PLXNA2: variants seen among roughly 807,000 people sequenced by gnomAD.
The protein encoded by PLXNA2 is plexin-A2.
In PLXNA2, 91 loss-of-function variants were observed where a neutral mutation model predicts 193.5. The ratio of observed to expected loss-of-function variants is 0.47; its 90% CI spans 0.40 to 0.56. PLXNA2 has a LOEUF of 0.56. Ranked by LOEUF, PLXNA2 falls within the 20% of genes least tolerant of loss-of-function variation. PLXNA2 has a pLI of 0.00. For missense variants in PLXNA2, 1,995 were observed against 2,503.2 expected, an observed-to-expected ratio of 0.80 and a Z score of 4.33; for synonymous variants, 997 against 1,027.3, an observed-to-expected ratio of 0.97 and a Z score of 0.56.
At chr1:208,045,359 C>T (rs533026800) in intron 18 of PLXNA2, 149 bp from the exon 19 acceptor site, 2 of 674,262 alleles carry the variant, frequency 3.0e-6, no homozygotes, top group East Asian at 5.1e-5. Flanking sequence ...GAGGGGACTT[C>T]TAACAGCCAT....
intron 4 of PLXNA2, among the ~76,000 whole-genome samples, chr1:208,136,271 AATGTGTTTT>A (rs1668298532): frequency 6.6e-6 from 1 of 152,182 alleles, no homozygotes; most frequent in Admixed American, 6.5e-5. Flanking sequence ...AGCATAATAA[AATGTGTTTT>A]TAAAAATATC....
At chr1:208,077,375 G>A (rs540490133) in intron 12 of PLXNA2, among the ~76,000 whole-genome samples, 19 of 152,276 alleles carry the variant, frequency 1.2e-4, no homozygotes, top group South Asian at 8.3e-4. Context: ...AGAGCAGCCC[G>A]TCAGCCCCCG....
intron 3 of PLXNA2, among the ~76,000 whole-genome samples, chr1:208,192,335 C>T (rs973536986): frequency 7.3e-5 from 11 of 151,640 alleles, no homozygotes; most frequent in Admixed American, 5.2e-4. Flanking sequence ...TGTGTGTGCA[C>T]GTGCACACAT....
chr1:208,134,316 G>C (rs1266753791), intron 4 of PLXNA2, among the ~76,000 whole-genome samples: 1 of 152,146 alleles, frequency 6.6e-6, no homozygotes, highest in Non-Finnish European at 1.5e-5. Context: ...TTTGAAATGG[G>C]GGAAAGAAAG....
chr1:208,095,443 T>A (rs957297086), intron 8 of PLXNA2, among the ~76,000 whole-genome samples: 1 of 152,212 alleles, frequency 6.6e-6, no homozygotes, highest in East Asian at 1.9e-4. Context: ...CACTGAAGGC[T>A]GTGGTTTGGC....
chr1:208,060,311 C>A (rs569206916), intron 13 of PLXNA2, among the ~76,000 whole-genome samples: 1 of 152,218 alleles, frequency 6.6e-6, no homozygotes, highest in African/African-American at 2.4e-5. Flanking sequence ...CAGAGCCCCA[C>A]GCACCAAACA....
chr1:208,057,671 G>T (rs1205944873), intron 13 of PLXNA2, among the ~76,000 whole-genome samples: 1 of 152,056 alleles, frequency 6.6e-6, no homozygotes, highest in African/African-American at 2.4e-5. Flanking sequence ...GGTGGCTCTG[G>T]GGTCCCTATG....
intron 3 of PLXNA2, among the ~76,000 whole-genome samples, chr1:208,157,113 G>T (rs1668962496): frequency 6.6e-6 from 1 of 152,164 alleles, no homozygotes; most frequent in African/African-American, 2.4e-5. Flanking sequence ...TGTAATGTCT[G>T]GGAAATGTCC....
At chr1:208,083,058 C>A (rs1013135443) in intron 10 of PLXNA2, among the ~76,000 whole-genome samples, 1 of 152,304 alleles carries the variant, frequency 6.6e-6, no homozygotes, top group East Asian at 1.9e-4. Context: ...TGCCCTCTTA[C>A]TACTCTTGTA....
chr1:208,149,152 G>A (rs567179416), intron 3 of PLXNA2, among the ~76,000 whole-genome samples: 1 of 152,256 alleles, frequency 6.6e-6, no homozygotes, highest in South Asian at 2.1e-4. Flanking sequence ...GCATGTGAAT[G>A]TGTATGTGTG....
At chr1:208,029,243 A>T (rs1664428535) in intron 29 of PLXNA2, 3 of 1,401,208 alleles carry the variant, frequency 2.1e-6, no homozygotes, top group Non-Finnish European at 2.8e-6. Context: ...GGCACTTTGT[A>T]CCCTAATGGG....
chr1:208,036,799 A>G (rs1664682393), intron 26 of PLXNA2, among the ~76,000 whole-genome samples: 1 of 152,220 alleles, frequency 6.6e-6, no homozygotes, highest in African/African-American at 2.4e-5. Context: ...AGTGCTTTGT[A>G]TGATCAGCAC....
At chr1:208,145,962 C>T (rs929851222) in intron 3 of PLXNA2, among the ~76,000 whole-genome samples, 4 of 152,120 alleles carry the variant, frequency 2.6e-5, no homozygotes, top group Admixed American at 2.0e-4. Flanking sequence ...TGACTCCCCC[C>T]ACTCACCCCC....
chr1:208,192,524 T>C (rs1572016495), intron 3 of PLXNA2, among the ~76,000 whole-genome samples: 1 of 152,202 alleles, frequency 6.6e-6, no homozygotes, highest in Non-Finnish European at 1.5e-5. Context: ...GAAAGTAAGA[T>C]ACTTTGATTG....
In PLXNA2 at chr1:208,027,287, A is replaced by G; in HGVS notation, c.5641T>C (p.Tyr1881His). 6.2e-7 allele frequency: 1 copy of G among 1,613,600 alleles called. No individual in the cohort carries two copies. The highest frequency in any genetic ancestry group is 8.5e-7 in the Non-Finnish European group (1 of 1,179,934). The part of the protein sequence containing the change: ...DEQARRQRLA[Y>H]KVEQLINAMS... ...GCATTAATGAGCTGCTCCACCTTAT[A>G]AGCCAGCCGCTGCCGCCGTGCCTGC... Residue 1881 changes from tyrosine (Y) to histidine (H), a missense_variant, in exon 32 of 32, where the codon TAT (tyrosine) becomes CAT (histidine). By Grantham distance (83) the Tyr-to-His change is moderately conservative (BLOSUM62 2). Coordinates refer to ENST00000367033, the MANE Select transcript of PLXNA2 (RefSeq NM_025179.4).
chr1:208,148,261 C>T (rs772776549), intron 3 of PLXNA2, among the ~76,000 whole-genome samples: 6 of 151,618 alleles, frequency 4.0e-5, no homozygotes, highest in Non-Finnish European at 8.8e-5. Context: ...GTAGTAGTAG[C>T]AGTAGCAGTA....
Position 208,028,033 on chromosome 1 carries a change from G to A in PLXNA2, c.5565C>T (p.Ser1855=). The change falls in exon 31 of 32, where the codon TCC becomes TCT. Residue 1855 remains serine (S), a synonymous_variant. Coordinates refer to ENST00000367033, the MANE Select transcript of PLXNA2 (RefSeq NM_025179.4). This position sits in a 1 kb window ranked among gnomAD's most constrained non-coding sequence, Gnocchi z 4.2. Reference sequence around the variant, plus strand: ...CCTCCTCACTATACTTGCTGACATAGGAGTAGATCTCATTGAGGGCACTCA... The same window carrying A: ...CCTCCTCACTATACTTGCTGACATAAGAGTAGATCTCATTGAGGGCACTCA... ...NMLSALNEIY[S]YVSKYSEELI... is the part of the protein sequence containing the mutation. 1 of 1,610,548 alleles carries A rather than the reference G, an allele frequency of 6.2e-7. No homozygotes were observed. The highest frequency in any genetic ancestry group is 8.5e-7 in the Non-Finnish European group (1 of 1,178,374).
intron 3 of PLXNA2, among the ~76,000 whole-genome samples, chr1:208,174,638 C>T (rs1179745135): frequency 1.3e-5 from 2 of 152,076 alleles, no homozygotes; most frequent in Admixed American, 6.5e-5. Flanking sequence ...CTCCCATGCC[C>T]CCAATAGGCT....
chr1:208,099,859 G>A (rs1434549609), intron 5 of PLXNA2, among the ~76,000 whole-genome samples: 5 of 151,846 alleles, frequency 3.3e-5, no homozygotes, highest in African/African-American at 9.7e-5. Context: ...GTGAGCCACC[G>A]CACCTGGCCC....
Sources: gnomAD v4.1 joint callset for allele counts (sites outside exome capture counted in the v4.1 genomes callset) on GRCh38, gnomAD v4.1.1 for gene constraint, Gnocchi (gnomAD v3.1) non-coding constraint, MANE v1.5 for transcripts, NCBI Gene and HGNC (gene_info 2026-07-23, HGNC 2026-07-21) for gene names.